Variants in HTT observed in about 807,000 individuals in gnomAD.
The protein encoded by HTT is huntingtin.
HTT carries 104 observed loss-of-function variants against 362.3 expected under a neutral mutation model. The ratio of observed to expected loss-of-function variants is 0.29; its 90% confidence interval spans 0.24 to 0.34. The LOEUF is 0.34. Ranked by LOEUF, HTT falls within the 10% of genes least tolerant of loss-of-function variation. The probability of loss-of-function intolerance (pLI) is 1.00; values close to 1 mark genes in which losing one functional copy is unlikely to be tolerated. For synonymous variants in HTT, 1,577 were observed against 1,548.7 expected, an observed-to-expected ratio of 1.02 and a Z score of -0.43; for missense variants, 3,301 against 3,928.6, an observed-to-expected ratio of 0.84 and a Z score of 4.27.
At chr4:3,157,836 T>G (rs1481727926) in intron 28 of HTT, among the ~76,000 whole-genome samples, 1 of 152,182 alleles carries the variant, frequency 6.6e-6, no homozygotes, top group Non-Finnish European at 1.5e-5. Context: ...AATTTAATTT[T>G]TGTTTTTGGT....
intron 26 of HTT, among the ~76,000 whole-genome samples, chr4:3,151,252 GC>G (rs1716873450): frequency 6.6e-6 from 1 of 152,128 alleles, no homozygotes; most frequent in Non-Finnish European, 1.5e-5. Context: ...GGCTGTACAG[GC>G]TTCTGTTTCT....
chr4:3,155,223 T>A (rs751269451), intron 27 of HTT, among the ~76,000 whole-genome samples: 5 of 151,352 alleles, frequency 3.3e-5, no homozygotes, highest in Non-Finnish European at 5.9e-5. Flanking sequence ...TTATTTATTT[T>A]ATTTATTTAT....
rs560724677 is a variant in HTT, at chr4:3,088,631, A to G, written c.347+1609A>G. 7.2e-5 allele frequency among the ~76,000 whole-genome samples: 11 copies of G among 152,262 alleles called. No homozygotes were observed. In the East Asian group the frequency reaches 1.9e-3, roughly 27 times the overall value. ...CTGTCAAAACTGAACATCTGTCTTC[A>G]TTAAACTCCCTATCATCCATTCTTT... On this transcript the variant is annotated intron_variant, in intron 2 of 66. Coordinates refer to ENST00000355072, the MANE Select transcript of HTT (RefSeq NM_001388492.1).
intron 51 of HTT, among the ~76,000 whole-genome samples, chr4:3,217,549 G>A (rs1720471598): frequency 6.6e-6 from 1 of 152,220 alleles, no homozygotes; most frequent in African/African-American, 2.4e-5. Flanking sequence ...CAGAGCTCAG[G>A]TTCAGGACCA....
chr4:3,091,090 C>T (rs1472925807), intron 2 of HTT, among the ~76,000 whole-genome samples: 1 of 151,724 alleles, frequency 6.6e-6, no homozygotes, highest in Non-Finnish European at 1.5e-5. Flanking sequence ...CCAGCCTGGG[C>T]GACAAGAGCA....
chr4:3,123,092 C>G, intron 10 of HTT, 156 bp downstream of exon 10: 1 of 480,020 alleles, frequency 2.1e-6, no homozygotes, highest in East Asian at 3.3e-5. Flanking sequence ...TTGCTGGAAT[C>G]TGATAACCAG....
rs1233987567 is a variant in HTT, at chr4:3,117,819, C to T, written c.1068+1556C>T. ...CTGCACTCCATCCTGGGTGATGGAG[C>T]AAGATTCTGTCTCAAAAAAACAAAA... On this transcript the variant is annotated intron_variant, in intron 8 of 66. Transcript: ENST00000355072. Among the ~76,000 whole-genome samples the T allele has an allele frequency of 3.9e-5, 6 of 152,118 alleles. No individual in the cohort carries two copies. The South Asian group carries it at 1.0e-3, about 26-fold the overall frequency.
At position 3,235,872 on chromosome 4, in the gene HTT, C is replaced by G. The variant is rs560575751; in HGVS notation, c.8785+94C>G. The G allele has an allele frequency of 4.1e-6, 4 of 977,256 alleles. No homozygotes were observed. The South Asian group carries it at 5.6e-5, about 14-fold the overall frequency. The allele number at this position is 977,256 out of a possible 1,614,324, so 60.5% of individuals were successfully genotyped here. On this transcript the variant is annotated intron_variant, in intron 63 of 66. Coordinates refer to ENST00000355072, the MANE Select transcript of HTT (RefSeq NM_001388492.1). Reference sequence around the variant, plus strand: ...TCAAGGGACCTCGACTAGGTGCCCTCTGATTTCACACTTCTGGTGTTGCCC... The same window carrying G: ...TCAAGGGACCTCGACTAGGTGCCCTGTGATTTCACACTTCTGGTGTTGCCC...
At chr4:3,162,825 G>C (rs1717511145) in intron 29 of HTT, among the ~76,000 whole-genome samples, 1 of 152,214 alleles carries the variant, frequency 6.6e-6, no homozygotes, top group Admixed American at 6.5e-5. Flanking sequence ...GAGATTTTGA[G>C]CTGAACCAAT....
chr4:3,202,538 T>C (rs559876145), intron 41 of HTT, among the ~76,000 whole-genome samples: 1 of 152,202 alleles, frequency 6.6e-6, no homozygotes, highest in South Asian at 2.1e-4. Context: ...TACAGTAAAA[T>C]GTACTTTTCT....
intron 3 of HTT, among the ~76,000 whole-genome samples, chr4:3,103,311 G>A (rs574768122): frequency 7.3e-6 from 1 of 137,538 alleles, no homozygotes; most frequent in East Asian, 2.1e-4. Flanking sequence ...TGCAACCTCC[G>A]CCTCCCGGGT....
At chr4:3,184,132 C>G (rs1332401366) in intron 37 of HTT, among the ~76,000 whole-genome samples, 2 of 151,494 alleles carry the variant, frequency 1.3e-5, no homozygotes. Context: ...TGGCATTGTT[C>G]AGCTGGTGAT....
At chr4:3,121,731 T>C in intron 9 of HTT, 1 of 244,294 alleles carries the variant, frequency 4.1e-6, no homozygotes, top group South Asian at 4.9e-5. Context: ...CTGGGCATGG[T>C]GGCACATGCC....
intron 27 of HTT, among the ~76,000 whole-genome samples, chr4:3,155,482 C>T (rs111722523): frequency 1.3e-5 from 2 of 151,516 alleles, no homozygotes; most frequent in African/African-American, 4.9e-5. Flanking sequence ...ACCTCAGCCT[C>T]TCAAAGTGCT....
chr4:3,179,342 G>A (rs1048250117), intron 35 of HTT, among the ~76,000 whole-genome samples: 2 of 152,210 alleles, frequency 1.3e-5, no homozygotes, highest in African/African-American at 2.4e-5. Context: ...CCTGGACTTG[G>A]AGGGTCTTTG....
At chr4:3,135,415 A>G (rs1716015207) in intron 19 of HTT, among the ~76,000 whole-genome samples, 1 of 150,356 alleles carries the variant, frequency 6.7e-6, no homozygotes, top group Non-Finnish European at 1.5e-5. Flanking sequence ...TTTCTTTTAG[A>G]AGGGAAATTT....
chr4:3,199,745 A>T lies in HTT; in HGVS notation c.5382A>T (p.Arg1794Ser). 6.2e-7 allele frequency: 1 copy of T among 1,614,006 alleles called. No homozygotes were observed. Among genetic ancestry groups the T allele is most frequent in the African/African-American group, 1.3e-5 (1 of 75,050 alleles). Reference sequence around the variant, plus strand: ...CTTTGTTTCTAGGAATGTTCCGGAGAATCACAGCAGCTGCCACTAGGCTGT... The same window carrying T: ...CTTTGTTTCTAGGAATGTTCCGGAGTATCACAGCAGCTGCCACTAGGCTGT... Reference protein sequence around the residue: ...IHIFKSGMFRRITAAATRLFR... With the variant: ...IHIFKSGMFRSITAAATRLFR... Residue 1794 changes from arginine (R) to serine (S), a missense_variant, in exon 41 of 67, where the codon AGA (arginine) becomes AGT (serine). By Grantham distance (110) the Arg-to-Ser change is moderately radical (BLOSUM62 -1). This residue lies in a region of HTT where 2,316 missense variants were observed against 2,658.5 expected (regional missense o/e 0.87). Coordinates refer to ENST00000355072, the MANE Select transcript of HTT (RefSeq NM_001388492.1).
In HTT at chr4:3,136,597, GA is replaced by G. The variant is rs5855770; in HGVS notation, c.2798+281del. On this transcript the variant is annotated intron_variant, in intron 21 of 66. Coordinates refer to ENST00000355072, the MANE Select transcript of HTT (RefSeq NM_001388492.1). ...GGACTATAGAGAATAGTACTAAGAA[GA>G]AAAAAAAAATCACCTTCAATTCTGC... Among the ~76,000 whole-genome samples, 228 of 150,036 alleles carry G rather than the reference GA, an allele frequency of 1.5e-3. 1 individual carries two copies. Among genetic ancestry groups the G allele is most frequent in the Non-Finnish European group, 2.7e-3 (184 of 67,508 alleles).
In HTT at chr4:3,172,987, G is replaced by A. The variant is rs1718062770; in HGVS notation, c.4022G>A (p.Arg1341Gln). The change falls in exon 31 of 67, where the codon CGA becomes CAA. Residue 1341 changes from arginine (R) to glutamine (Q), a missense_variant. Physicochemically the swap from Arg to Gln is conservative, Grantham distance 43 (BLOSUM62 1). Coordinates refer to ENST00000355072, the MANE Select transcript of HTT (RefSeq NM_001388492.1). ...LSSNPSKSQGRAQRLGSSSVR... is the reference protein window; with the variant it reads ...LSSNPSKSQGQAQRLGSSSVR... ...TCCAACCCCAGCAAGTCACAAGGCC[G>A]AGCACAGCGCCTTGGCTCCTCCAGT... 1.2e-6 allele frequency: 2 copies of A among 1,614,102 alleles called. No homozygotes were observed. Among genetic ancestry groups the A allele is most frequent in the Non-Finnish European group, 1.7e-6 (2 of 1,180,026 alleles).
Sources: gnomAD v4.1 joint callset for allele counts (sites outside exome capture counted in the v4.1 genomes callset) on GRCh38, gnomAD v4.1.1 for gene constraint, gnomAD v4.1.1 regional missense constraint, MANE v1.5 for transcripts, NCBI Gene and HGNC (gene_info 2026-07-23, HGNC 2026-07-21) for gene names.